The following ABLIM1 variants were observed in gnomAD, a reference collection of about 807,000 sequenced individuals.
ABLIM1 encodes the protein actin-binding LIM protein 1.
A neutral mutation model predicts 107.0 loss-of-function variants in ABLIM1; 40 were observed. That is an observed-to-expected ratio of 0.37 (90% CI 0.29 to 0.49). The LOEUF is 0.49. Ranked by LOEUF, ABLIM1 falls within the 20% of genes least tolerant of loss-of-function variation. The probability of loss-of-function intolerance (pLI) is 0.97; values close to 1 mark genes in which losing one functional copy is unlikely to be tolerated. For synonymous variants in ABLIM1, 357 were observed against 357.3 expected, an observed-to-expected ratio of 1.00 and a Z score of 0.01; for missense variants, 857 against 1,008.5, an observed-to-expected ratio of 0.85 and a Z score of 2.04.
At chr10:114,517,610 G>A (rs558513092) in intron 6 of ABLIM1, among the ~76,000 whole-genome samples, 148 of 151,732 alleles carry the variant, frequency 9.8e-4, no homozygotes, top group South Asian at 2.3e-3. Flanking sequence ...ACTTTAAAGG[G>A]CGGGGAGGGG....
chr10:114,479,548 C>T (rs927777955), intron 8 of ABLIM1, among the ~76,000 whole-genome samples: 1 of 152,156 alleles, frequency 6.6e-6, no homozygotes, highest in African/African-American at 2.4e-5. Flanking sequence ...AATTAATGCC[C>T]TTCCCATGCC....
At chr10:114,446,540 T>C (rs2061048134) in intron 15 of ABLIM1, among the ~76,000 whole-genome samples, 1 of 152,236 alleles carries the variant, frequency 6.6e-6, no homozygotes, top group South Asian at 2.1e-4. Flanking sequence ...AGTTTGCTAA[T>C]CTAATCAAAA....
chr10:114,591,459 T>C (rs2074860485), intron 2 of ABLIM1, among the ~76,000 whole-genome samples: 1 of 152,234 alleles, frequency 6.6e-6, no homozygotes, highest in African/African-American at 2.4e-5. Context: ...ATGGTATAAT[T>C]AAATTTGAGC....
chr10:114,618,232 G>GTC (rs1189349030), intron 1 of ABLIM1, among the ~76,000 whole-genome samples: 1 of 152,180 alleles, frequency 6.6e-6, no homozygotes, highest in Non-Finnish European at 1.5e-5. Context: ...ACTAGACTCT[G>GTC]TAGTGCCTCC....
intron 2 of ABLIM1, among the ~76,000 whole-genome samples, chr10:114,597,357 G>A (rs895794564): frequency 6.6e-6 from 1 of 152,162 alleles, no homozygotes; most frequent in Non-Finnish European, 1.5e-5. Flanking sequence ...GCCCTGTCAA[G>A]ATGGTGCAGA....
At chr10:114,473,852 A>C (rs1211127244) in intron 9 of ABLIM1, 27 bp downstream of exon 9, 1 of 1,565,664 alleles carries the variant, frequency 6.4e-7, no homozygotes, top group East Asian at 2.3e-5. Context: ...TGTCCCAGAA[A>C]TGTCACTTCC....
chr10:114,689,851 C>T (rs2081036120), upstream of ABLIM1, among the ~76,000 whole-genome samples: 1 of 152,086 alleles, frequency 6.6e-6, no homozygotes, highest in South Asian at 2.1e-4. Flanking sequence ...GAATCCATTT[C>T]CTGACTTGAT....
In ABLIM1 at chr10:114,644,306, A is replaced by AAATAT. The variant is rs1408072252; in HGVS notation, c.244+13650_244+13651insATATT. ...AAAAAAAAAAAAAAAAAAAAAAAAA[A>AAATAT]ATATATATATATATATATATATATG... On this transcript the variant is annotated intron_variant, in intron 1 of 22. Coordinates refer to ENST00000533213, the MANE Select transcript of ABLIM1 (RefSeq NM_002313.7). 2.6e-3 allele frequency among the ~76,000 whole-genome samples: 134 copies of AAATAT among 52,244 alleles called. 4 individuals are homozygous for AAATAT. Among genetic ancestry groups the AAATAT allele is most frequent in the Non-Finnish European group, 2.8e-3 (89 of 31,850 alleles). The allele number at this position is 52,244 out of a possible 152,430, so 34.3% of individuals were successfully genotyped here.
intron 1 of ABLIM1, among the ~76,000 whole-genome samples, chr10:114,634,678 T>A (rs2078388986): frequency 6.6e-6 from 1 of 152,086 alleles, no homozygotes; most frequent in African/African-American, 2.4e-5. Flanking sequence ...CAGAGAGATT[T>A]TCCCCCCGCC....
chr10:114,649,529 A>G (rs1300408961), intron 1 of ABLIM1, among the ~76,000 whole-genome samples: 4 of 151,882 alleles, frequency 2.6e-5, no homozygotes, highest in African/African-American at 4.8e-5. Context: ...ATCATAGTCT[A>G]TCTAAAATCC....
intron 1 of ABLIM1, among the ~76,000 whole-genome samples, chr10:114,748,580 C>CA (rs34184273): frequency 0.072 from 9,402 of 131,406 alleles, 324 homozygotes; most frequent in Middle Eastern, 0.1. Context: ...TTGCCTGTTT[C>CA]AAAAAAAAAA....
intron 15 of ABLIM1, among the ~76,000 whole-genome samples, chr10:114,447,043 G>A (rs1188810585): frequency 6.6e-6 from 1 of 152,138 alleles, no homozygotes; most frequent in Non-Finnish European, 1.5e-5. Flanking sequence ...ATTAAAAATA[G>A]CACAATGAAG....
intron 7 of ABLIM1, among the ~76,000 whole-genome samples, chr10:114,490,992 G>GTA: frequency 1.1e-5 from 1 of 90,124 alleles, no homozygotes. Flanking sequence ...GTGTGTGTGT[G>GTA]TGTGTGTGTG....
At chr10:114,691,215 C>T (rs904786084) in intron 1 of ABLIM1, among the ~76,000 whole-genome samples, 1 of 152,078 alleles carries the variant, frequency 6.6e-6, no homozygotes, top group Admixed American at 6.5e-5. Flanking sequence ...TATTATGAGA[C>T]GTGATCAATG....
At chr10:114,567,630 T>C (rs1267923771) in intron 4 of ABLIM1, among the ~76,000 whole-genome samples, 1 of 152,208 alleles carries the variant, frequency 6.6e-6, no homozygotes, top group African/African-American at 2.4e-5. Context: ...AAAGGCTGCA[T>C]CTTTCCTCAA....
chr10:114,554,824 T>C (rs1045801097), intron 4 of ABLIM1, among the ~76,000 whole-genome samples: 9 of 152,154 alleles, frequency 5.9e-5, no homozygotes, highest in African/African-American at 2.2e-4. Context: ...TAGACACTAA[T>C]TGGGCAACTC....
exon 1 of ABLIM1, chr10:114,684,600 C>A (rs2080884373): frequency 1.2e-5 from 16 of 1,301,770 alleles, no homozygotes; most frequent in Non-Finnish European, 1.6e-5. Flanking sequence ...CTTCTCTCGA[C>A]CCTGCCCCTA....
At chr10:114,725,735 ATGTGTGTGTGTGTGTGTGTG>A (rs3981295) in intron 1 of ABLIM1, among the ~76,000 whole-genome samples, 1 of 142,266 alleles carries the variant, frequency 7.0e-6, no homozygotes, top group Admixed American at 7.2e-5. Flanking sequence ...TATATATAAA[ATGTGTGTGTGTGTGTGTGTG>A]TGTGTGTGTG....
At chr10:114,786,900 C>T in the ABLIM1 span, among the ~76,000 whole-genome samples, 1 of 152,168 alleles carries the variant, frequency 6.6e-6, no homozygotes, top group Middle Eastern at 3.2e-3. Context: ...AGATTGCAGC[C>T]TCTGCCCGGC....
Sources: gnomAD v4.1 joint callset for allele counts (sites outside exome capture counted in the v4.1 genomes callset) on GRCh38, gnomAD v4.1.1 for gene constraint, MANE v1.5 for transcripts, NCBI Gene and HGNC (gene_info 2026-07-23, HGNC 2026-07-21) for gene names.